KNDC1: variants seen among roughly 807,000 people sequenced by gnomAD.
KNDC1 encodes kinase non-catalytic C-lobe domain-containing protein 1.
In KNDC1, 106 loss-of-function variants were observed where a neutral mutation model predicts 172.8. The observed-to-expected ratio is 0.61, with a 90% CI of 0.52 to 0.72. The LOEUF (loss-of-function observed/expected upper bound fraction) is 0.72. Among genes scored for constraint, KNDC1 ranks in the 30% least tolerant of loss-of-function variants. The pLI is 0.00. For synonymous variants in KNDC1, 1,083 were observed against 1,062.2 expected (o/e 1.02, Z -0.38); for missense variants, 2,325 against 2,394.5 (o/e 0.97, Z 0.61).
At chr10:133,179,538 TCCTACCC>T (rs1337525599) in intron 3 of KNDC1, among the ~76,000 whole-genome samples, 2 of 152,170 alleles carry the variant, frequency 1.3e-5, no homozygotes, top group Admixed American at 1.3e-4. Flanking sequence ...GTAACCCGCT[TCCTACCC>T]CCTAGAGAGG....
At chr10:133,204,200 G>T (rs1854459026) in intron 17 of KNDC1, among the ~76,000 whole-genome samples, 1 of 152,184 alleles carries the variant, frequency 6.6e-6, no homozygotes, top group Non-Finnish European at 1.5e-5. Context: ...AGCTCCATGG[G>T]GACACCTGCG....
intron 3 of KNDC1, among the ~76,000 whole-genome samples, chr10:133,169,602 G>A (rs1853306261): frequency 6.6e-6 from 1 of 152,260 alleles, no homozygotes; most frequent in Non-Finnish European, 1.5e-5. Flanking sequence ...CTACATTTTA[G>A]TGCACCCCAG....
chr10:133,182,944 T>TGTGGGCACAGGCGGC (rs1853762234), intron 3 of KNDC1, among the ~76,000 whole-genome samples: 1 of 138,598 alleles, frequency 7.2e-6, no homozygotes, highest in Non-Finnish European at 1.6e-5. Flanking sequence ...GCACAGGCGG[T>TGTGGGCACAGGCGGC]GTGGGCACAG....
chr10:133,181,145 T>C (rs532472504), intron 3 of KNDC1, among the ~76,000 whole-genome samples: 47 of 151,178 alleles, frequency 3.1e-4, no homozygotes, highest in Admixed American at 1.3e-3. Context: ...TGACGCCACA[T>C]GGGGCACCCA....
At chr10:133,189,412 G>A (rs567088907) in intron 7 of KNDC1, among the ~76,000 whole-genome samples, 186 bp from the exon 8 acceptor site, 166 of 152,296 alleles carry the variant, frequency 1.1e-3, no homozygotes, top group Non-Finnish European at 2.1e-3. Flanking sequence ...AGGGCTGGGA[G>A]GAGGCAGCTC....
chr10:133,192,009 C>T (rs987168921), intron 9 of KNDC1, among the ~76,000 whole-genome samples: 1 of 152,204 alleles, frequency 6.6e-6, no homozygotes, highest in Non-Finnish European at 1.5e-5. Flanking sequence ...GGAGACCACA[C>T]CAGCAAGTGG....
intron 27 of KNDC1, 37 bp downstream of exon 27, chr10:133,218,990 C>T: frequency 1.9e-6 from 3 of 1,613,724 alleles, no homozygotes; most frequent in Non-Finnish European, 2.5e-6. Context: ...GGGGTGGGTA[C>T]CCGCACGGCC....
At chr10:133,170,887 A>G (rs1194847037) in intron 3 of KNDC1, among the ~76,000 whole-genome samples, 2 of 151,430 alleles carry the variant, frequency 1.3e-5, no homozygotes, top group East Asian at 1.9e-4. Context: ...CTGTCCGCTC[A>G]TGAGGGAATG....
chr10:133,203,683 C>T (rs747806325), intron 17 of KNDC1, among the ~76,000 whole-genome samples: 2 of 152,206 alleles, frequency 1.3e-5, no homozygotes, highest in African/African-American at 2.4e-5. Context: ...CCAGAGTCAG[C>T]GTGGACAGCA....
chr10:133,161,425 C>T (rs1852965277), intron 1 of KNDC1, among the ~76,000 whole-genome samples: 1 of 152,190 alleles, frequency 6.6e-6, no homozygotes, highest in South Asian at 2.1e-4. Context: ...TCTTTAAAGC[C>T]GGCCAAGTAA....
chr10:133,182,925 ACGGTGTGGG>A (rs1564881617), intron 3 of KNDC1, among the ~76,000 whole-genome samples: 9 of 133,244 alleles, frequency 6.8e-5, no homozygotes, highest in Non-Finnish European at 1.1e-4. Flanking sequence ...GTGGGCACGG[ACGGTGTGGG>A]CACAGGCGGT....
rs1322726555 is a variant in KNDC1 at position 133,207,492 on chromosome 10, A to C, written c.3794+141A>C. On this transcript the variant is annotated intron_variant, in intron 20 of 29. Coordinates refer to ENST00000304613, the MANE Select transcript of KNDC1 (RefSeq NM_152643.8). ...GAAATGTTTAATCGGGGTTTAGGCCAATGTGCACTAGGTGCCACCGGCAGC... is the reference window on the plus strand; with the variant it reads ...GAAATGTTTAATCGGGGTTTAGGCCCATGTGCACTAGGTGCCACCGGCAGC... 3 of 804,630 alleles carry C rather than the reference A, an allele frequency of 3.7e-6. No homozygotes were observed. The Admixed American group carries it at 7.0e-5, about 19-fold the overall frequency. The allele number at this position is 804,630 out of a possible 1,614,324, so 49.8% of individuals were successfully genotyped here.
intron 26 of KNDC1, among the ~76,000 whole-genome samples, chr10:133,216,270 TG>T (rs531899303): frequency 3.2e-3 from 491 of 151,270 alleles, no homozygotes; most frequent in Non-Finnish European, 5.1e-3. Flanking sequence ...CTGAAGAAAA[TG>T]GGGGGTCGGT....
chr10:133,200,162 G>C (rs568430631), intron 15 of KNDC1, among the ~76,000 whole-genome samples: 2 of 152,302 alleles, frequency 1.3e-5, no homozygotes, highest in African/African-American at 4.8e-5. Context: ...AGCACTGAGA[G>C]GCTGCTCCCG....
chr10:133,218,439 C>T (rs1245031325), intron 26 of KNDC1, among the ~76,000 whole-genome samples: 3 of 152,196 alleles, frequency 2.0e-5, no homozygotes, highest in East Asian at 1.9e-4. Flanking sequence ...GGGGTGGGCA[C>T]GGAGCTGCCT....
At position 133,197,729 on chromosome 10, in the gene KNDC1, C is replaced by G. The variant is rs1854235038; in HGVS notation, c.1867C>G (p.Leu623Val). The change falls in exon 12 of 30, where the codon CTG becomes GTG. Residue 623 changes from leucine to valine, a missense_variant. Leu to Val is a conservative substitution (Grantham distance 32). Transcript: ENST00000304613. ...CCAAAACGCCTTCTCAGTGGTTGAA[C>G]TGAAGCCCAGTGTGGCACCAGCCCC... ...SLQNAFSVVE[L>V]KPSVAPAPEP... The G allele has an allele frequency of 6.2e-7, 1 of 1,613,226 alleles. No homozygotes were observed. Among genetic ancestry groups the G allele is most frequent in the Non-Finnish European group, 8.5e-7 (1 of 1,179,894 alleles).
chr10:133,174,800 C>T (rs3008306), intron 3 of KNDC1, among the ~76,000 whole-genome samples: 106,970 of 150,410 alleles, frequency 0.71, 38,477 homozygotes, highest in East Asian at 0.93. Context: ...GACGAATGGG[C>T]GGATGGGTGG....
chr10:133,210,725 G>A lies in KNDC1; in HGVS notation c.3908+1G>A. ...ACCGCATCAACAGCACGCTGACCAG[G>A]TACCAAGCTCCACAGCTCCACGCCC... On this transcript the variant is annotated splice_donor_variant, in intron 21 of 29. Coordinates refer to ENST00000304613, the MANE Select transcript of KNDC1 (RefSeq NM_152643.8). LOFTEE classifies it high-confidence loss of function. 3 of 1,609,812 alleles carry A rather than the reference G, an allele frequency of 1.9e-6. No homozygotes were observed. Among genetic ancestry groups the A allele is most frequent in the Non-Finnish European group, 1.7e-6 (2 of 1,176,052 alleles).
chr10:133,220,119 A>C lies in KNDC1; in HGVS notation c.5018+7A>C, dbSNP rs754928821. ...ACAGGTGGAGCAAGCTCAGGTGAGG[A>C]GGGGCTCAGGCGGCCGCGCGCCCAG... On this transcript the variant is annotated splice_region_variant and intron_variant, in intron 29 of 29. Coordinates refer to ENST00000304613, the MANE Select transcript of KNDC1 (RefSeq NM_152643.8). The C allele has an allele frequency of 5.9e-6, 9 of 1,520,780 alleles. No individual in the cohort carries two copies. Among genetic ancestry groups the C allele is most frequent in the Non-Finnish European group, 8.0e-6 (9 of 1,123,640 alleles). The allele number at this position is 1,520,780 out of a possible 1,614,324, so 94.2% of individuals were successfully genotyped here.
Sources: gnomAD v4.1 joint callset for allele counts (sites outside exome capture counted in the v4.1 genomes callset) on GRCh38, gnomAD v4.1.1 for gene constraint, MANE v1.5 for transcripts, NCBI Gene and HGNC (gene_info 2026-07-23, HGNC 2026-07-21) for gene names.